Variants in AGMO observed in about 807,000 individuals in gnomAD.
AGMO encodes alkylglycerol monooxygenase.
In AGMO, 75 loss-of-function variants were observed where a neutral mutation model predicts 60.2. That is an observed-to-expected ratio of 1.25 (90% CI 1.03 to 1.51). The LOEUF is 1.51. Among genes scored for constraint, AGMO ranks in the 40% most tolerant of loss-of-function variants. The pLI is 0.00. For missense variants in AGMO, 763 were observed against 525.5 expected, an observed-to-expected ratio of 1.45 and a Z score of -4.42; for synonymous variants, 261 against 177.1, an observed-to-expected ratio of 1.47 and a Z score of -3.76.
At chr7:15,141,412 G>A in the AGMO span, among the ~76,000 whole-genome samples, 142 of 152,102 alleles carry the variant, frequency 9.3e-4, no homozygotes, top group Non-Finnish European at 1.7e-3. Flanking sequence ...ATGAAACCAC[G>A]TCTCTATTAA....
intron 3 of AGMO, among the ~76,000 whole-genome samples, chr7:15,451,437 A>G (rs1781852929): frequency 6.6e-6 from 1 of 152,154 alleles, no homozygotes; most frequent in African/African-American, 2.4e-5. Flanking sequence ...ATTTATAAAC[A>G]ATGGAAATGT....
At chr7:15,369,838 A>T (rs1268924939) in intron 10 of AGMO, among the ~76,000 whole-genome samples, 1 of 152,186 alleles carries the variant, frequency 6.6e-6, no homozygotes, top group East Asian at 1.9e-4. Context: ...TTGTTTTAGT[A>T]TTAATACATT....
chr7:15,320,194 C>A (rs1489409266), intron 12 of AGMO, among the ~76,000 whole-genome samples: 1 of 151,720 alleles, frequency 6.6e-6, no homozygotes, highest in Non-Finnish European at 1.5e-5. Context: ...CACACCACCA[C>A]GGCACACGTA....
intron 12 of AGMO, among the ~76,000 whole-genome samples, chr7:15,295,654 A>G (rs1190517116): frequency 6.6e-6 from 1 of 152,132 alleles, no homozygotes; most frequent in Non-Finnish European, 1.5e-5. Context: ...TTAATGGGCA[A>G]CTATCATTCA....
chr7:15,540,532 T>G (rs1179015133), intron 3 of AGMO, among the ~76,000 whole-genome samples: 1 of 152,166 alleles, frequency 6.6e-6, no homozygotes, highest in Non-Finnish European at 1.5e-5. Context: ...TGGCAAAGTC[T>G]AGCATCAAGT....
chr7:15,362,331 A>C (rs1782798954), intron 12 of AGMO, among the ~76,000 whole-genome samples: 1 of 152,188 alleles, frequency 6.6e-6, no homozygotes, highest in African/African-American at 2.4e-5. Flanking sequence ...AGATTAAAAA[A>C]AGATTGCTAG....
chr7:15,382,929 T>C (rs775736422), intron 10 of AGMO, among the ~76,000 whole-genome samples: 4 of 152,146 alleles, frequency 2.6e-5, no homozygotes, highest in Non-Finnish European at 2.9e-5. Context: ...TCTATTGTTA[T>C]ATAGATGTAA....
chr7:15,402,972 C>T (rs1784592660), intron 5 of AGMO, among the ~76,000 whole-genome samples: 1 of 151,696 alleles, frequency 6.6e-6, no homozygotes, highest in South Asian at 2.1e-4. Context: ...GAAATTTACA[C>T]TCCAATGGAC....
chr7:15,426,207 A>G (rs1039042039), intron 4 of AGMO, among the ~76,000 whole-genome samples: 1 of 152,192 alleles, frequency 6.6e-6, no homozygotes, highest in African/African-American at 2.4e-5. Context: ...TAGCAAAAAT[A>G]TTTCCATTGC....
At chr7:15,279,077 T>C (rs1325194910) in intron 12 of AGMO, among the ~76,000 whole-genome samples, 3 of 152,148 alleles carry the variant, frequency 2.0e-5, no homozygotes, top group African/African-American at 7.2e-5. Context: ...ACCTGTGAGA[T>C]GCCACATGAC....
intron 3 of AGMO, among the ~76,000 whole-genome samples, chr7:15,542,896 T>C (rs934109638): frequency 6.6e-6 from 1 of 152,222 alleles, no homozygotes. Flanking sequence ...TTCTAATAAA[T>C]TAAGCCTTCA....
chr7:15,227,470 T>C (rs920601836), intron 12 of AGMO, among the ~76,000 whole-genome samples: 1 of 149,616 alleles, frequency 6.7e-6, no homozygotes, highest in Non-Finnish European at 1.5e-5. Context: ...GTGAAAACGG[T>C]GACAAATATA....
the AGMO span, among the ~76,000 whole-genome samples, chr7:15,152,677 T>A: frequency 6.6e-6 from 1 of 152,176 alleles, no homozygotes; most frequent in Admixed American, 6.6e-5. Flanking sequence ...CATTATTTCA[T>A]TCCTACTTAT....
chr7:15,544,100 C>CT (rs1177827170), intron 3 of AGMO, among the ~76,000 whole-genome samples: 1 of 151,814 alleles, frequency 6.6e-6, no homozygotes, highest in African/African-American at 2.4e-5. Context: ...AACTATTATT[C>CT]TAAGTGAATT....
At chr7:15,251,601 G>T (rs73279645) in intron 12 of AGMO, among the ~76,000 whole-genome samples, 5,013 of 152,262 alleles carry the variant, frequency 0.033, 303 homozygotes, top group African/African-American at 0.11. Context: ...TTAGTAGGGT[G>T]ACTTTTTGGT....
At chr7:15,207,712 A>C (rs1234072601) in intron 12 of AGMO, among the ~76,000 whole-genome samples, 1 of 152,194 alleles carries the variant, frequency 6.6e-6, no homozygotes, top group Non-Finnish European at 1.5e-5. Context: ...AGGTGGGCAG[A>C]TCACGAGGTC....
chr7:15,300,640 C>T (rs1407009490), intron 12 of AGMO, among the ~76,000 whole-genome samples: 1 of 152,172 alleles, frequency 6.6e-6, no homozygotes, highest in African/African-American at 2.4e-5. Flanking sequence ...TCATACTACA[C>T]TCAAATGTGA....
chr7:15,190,403 G>C, the AGMO span, among the ~76,000 whole-genome samples: 1 of 151,780 alleles, frequency 6.6e-6, no homozygotes, highest in Non-Finnish European at 1.5e-5. Flanking sequence ...TAAGCACACA[G>C]AGAGTAAAGT....
intron 12 of AGMO, among the ~76,000 whole-genome samples, chr7:15,326,677 G>A (rs10270353): frequency 0.021 from 3,185 of 152,140 alleles, 107 homozygotes; most frequent in African/African-American, 0.073. Flanking sequence ...CTCTCCCCAT[G>A]GCAGAATTAT....
Sources: gnomAD v4.1 joint callset for allele counts (sites outside exome capture counted in the v4.1 genomes callset) on GRCh38, gnomAD v4.1.1 for gene constraint, MANE v1.5 for transcripts, NCBI Gene and HGNC (gene_info 2026-07-23, HGNC 2026-07-21) for gene names.